GSTCD: variants seen among roughly 807,000 people sequenced by gnomAD.
The protein encoded by GSTCD is glutathione S-transferase C-terminal domain containing.
GSTCD carries 44 observed loss-of-function variants against 68.3 expected under a neutral mutation model. The observed-to-expected ratio is 0.64, with a 90% confidence interval of 0.51 to 0.83. The LOEUF (loss-of-function observed/expected upper bound fraction) is 0.83, where lower values mean the gene tolerates loss of function less well. Ranked by LOEUF, GSTCD falls within the 40% of genes least tolerant of loss-of-function variation. The pLI is 0.00. For missense variants in GSTCD, 739 were observed against 735.9 expected, an observed-to-expected ratio of 1.00 and a Z score of -0.05; for synonymous variants, 273 against 255.2, an observed-to-expected ratio of 1.07 and a Z score of -0.67.
chr4:105,805,817 CTCT>C (rs1450233226), intron 5 of GSTCD, among the ~76,000 whole-genome samples: 4 of 152,050 alleles, frequency 2.6e-5, no homozygotes, highest in African/African-American at 4.8e-5. Flanking sequence ...ATTCTTCTGC[CTCT>C]TCTTCTTTCC....
chr4:105,815,559 A>G (rs570554657), intron 5 of GSTCD, among the ~76,000 whole-genome samples: 1 of 152,324 alleles, frequency 6.6e-6, no homozygotes, highest in African/African-American at 2.4e-5. Context: ...AGCGGACATT[A>G]GAACACCATG....
chr4:105,755,191 G>A (rs998429830), intron 5 of GSTCD, among the ~76,000 whole-genome samples: 3 of 151,544 alleles, frequency 2.0e-5, no homozygotes, highest in Non-Finnish European at 2.9e-5. Context: ...AAGCTGCAGT[G>A]GGCCATGATC....
chr4:105,830,983 A>G (rs1440960575), intron 8 of GSTCD, among the ~76,000 whole-genome samples: 4 of 152,254 alleles, frequency 2.6e-5, no homozygotes, highest in Non-Finnish European at 5.9e-5. Context: ...CGTTCATCAT[A>G]TAGAAAAACA....
intron 11 of GSTCD, among the ~76,000 whole-genome samples, chr4:105,842,448 A>G (rs1227388796): frequency 6.6e-6 from 1 of 152,240 alleles, no homozygotes; most frequent in East Asian, 1.9e-4. Context: ...AAAGAAAATA[A>G]TAAAGATTAA....
chr4:105,723,195 T>G (rs1319764934), intron 3 of GSTCD, among the ~76,000 whole-genome samples: 1 of 151,986 alleles, frequency 6.6e-6, no homozygotes, highest in Non-Finnish European at 1.5e-5. Context: ...TAAAGATCCA[T>G]TCCCTTAGCA....
chr4:105,729,329 A>G, intron 4 of GSTCD, 77 bp from the exon 5 acceptor site: 1 of 773,118 alleles, frequency 1.3e-6, no homozygotes, highest in Non-Finnish European at 2.0e-6. Flanking sequence ...ATATACAAAT[A>G]TAATTTTTTA....
chr4:105,771,529 CTTAAG>C (rs1252540445), intron 5 of GSTCD, among the ~76,000 whole-genome samples: 2 of 152,262 alleles, frequency 1.3e-5, no homozygotes, highest in East Asian at 3.9e-4. Context: ...TTTAATCCAT[CTTAAG>C]TTAATTATTG....
intron 8 of GSTCD, among the ~76,000 whole-genome samples, chr4:105,826,566 C>G (rs1723624337): frequency 6.6e-6 from 1 of 151,814 alleles, no homozygotes; most frequent in Non-Finnish European, 1.5e-5. Flanking sequence ...TATCAAAAAT[C>G]TTTAGTTTTT....
chr4:105,733,542 A>C (rs1383263428), intron 5 of GSTCD, among the ~76,000 whole-genome samples: 1 of 152,174 alleles, frequency 6.6e-6, no homozygotes, highest in African/African-American at 2.4e-5. Context: ...TTTGCTTGGT[A>C]GATCTTCCTC....
At chr4:105,733,534 T>C (rs1366972413) in intron 5 of GSTCD, among the ~76,000 whole-genome samples, 4 of 152,234 alleles carry the variant, frequency 2.6e-5, no homozygotes, top group African/African-American at 4.8e-5. Flanking sequence ...GTTTTCTGTT[T>C]GCTTGGTAGA....
intron 5 of GSTCD, among the ~76,000 whole-genome samples, chr4:105,792,688 G>A (rs769340289): frequency 2.6e-5 from 4 of 151,974 alleles, no homozygotes; most frequent in Non-Finnish European, 4.4e-5. Context: ...GTTGAGTAGG[G>A]TTTCCCTGCA....
intron 5 of GSTCD, among the ~76,000 whole-genome samples, chr4:105,778,872 A>G (rs754824073): frequency 2.6e-5 from 4 of 152,110 alleles, no homozygotes; most frequent in Non-Finnish European, 5.9e-5. Context: ...ACATTTTGAC[A>G]TCTTTACTTT....
chr4:105,715,887 G>GT (rs1732666790), intron 1 of GSTCD, among the ~76,000 whole-genome samples: 1 of 151,988 alleles, frequency 6.6e-6, no homozygotes, highest in Non-Finnish European at 1.5e-5. Flanking sequence ...TCTAGTGTCA[G>GT]TTTTGGAATT....
rs951632933 is a variant in GSTCD at position 105,753,457 on chromosome 4, G to A, written c.1240+23958G>A. 8.6e-5 allele frequency among the ~76,000 whole-genome samples: 13 copies of A among 151,676 alleles called. 1 individual carries two copies. The highest frequency in any genetic ancestry group is 1.5e-5 in the Non-Finnish European group (1 of 67,828). On this transcript the variant is annotated intron_variant, in intron 5 of 11. Transcript: ENST00000515279. ...TTGGATGTATTCATGAACCACCCTAGGATTAAAAATATTTGAAAAAAATTT... is the reference window on the plus strand; with the variant it reads ...TTGGATGTATTCATGAACCACCCTAAGATTAAAAATATTTGAAAAAAATTT...
At chr4:105,731,964 T>C (rs1446004661) in intron 5 of GSTCD, among the ~76,000 whole-genome samples, 5 of 152,330 alleles carry the variant, frequency 3.3e-5, no homozygotes, top group Admixed American at 3.3e-4. Flanking sequence ...GTGGTTTTTG[T>C]CTTTGGTTCT....
intron 5 of GSTCD, among the ~76,000 whole-genome samples, chr4:105,795,050 A>G (rs1035046813): frequency 4.6e-5 from 7 of 151,582 alleles, no homozygotes; most frequent in African/African-American, 1.7e-4. Flanking sequence ...AATTTTTTGT[A>G]TTTTTGGTAG....
intron 5 of GSTCD, among the ~76,000 whole-genome samples, chr4:105,800,373 G>A (rs1343839986): frequency 1.3e-5 from 2 of 152,162 alleles, no homozygotes; most frequent in South Asian, 2.1e-4. Context: ...CCCAGGACAC[G>A]TGGGAATTGT....
chr4:105,791,791 C>T (rs1457451400), intron 5 of GSTCD, among the ~76,000 whole-genome samples: 1 of 149,866 alleles, frequency 6.7e-6, no homozygotes, highest in Non-Finnish European at 1.5e-5. Context: ...TACAGTATTC[C>T]AAATGCATAG....
chr4:105,769,233 G>GATCACACACACACACA (rs139425249), intron 5 of GSTCD, among the ~76,000 whole-genome samples: 20 of 146,230 alleles, frequency 1.4e-4, no homozygotes, highest in Non-Finnish European at 2.6e-4. Flanking sequence ...ATACACGCGC[G>GATCACACACACACACA]CACACACACA....
Sources: allele counts gnomAD v4.1 joint callset (sites outside exome capture counted in the v4.1 genomes callset), GRCh38; gene constraint gnomAD v4.1.1; transcripts MANE v1.5; gene names NCBI Gene and HGNC (gene_info 2026-07-23, HGNC 2026-07-21).